MTMR12: variants seen among roughly 807,000 people sequenced by gnomAD.
The protein encoded by MTMR12 is myotubularin related protein 12, also known as myotubularin-related protein 12.
Under a neutral mutation model 96.7 loss-of-function variants are expected in MTMR12, and 33 were observed. The observed-to-expected ratio is 0.34, with a 90% confidence interval of 0.26 to 0.46. The LOEUF (loss-of-function observed/expected upper bound fraction) is 0.46, where lower values mean the gene tolerates loss of function less well. Among genes scored for constraint, MTMR12 ranks in the 20% least tolerant of loss-of-function variants. The pLI, the probability that MTMR12 is intolerant of heterozygous loss-of-function variation, is 1.00. For missense variants in MTMR12, 721 were observed against 896.1 expected (o/e 0.80, Z 2.49); for synonymous variants, 298 against 327.2 (o/e 0.91, Z 0.96).
intron 4 of MTMR12, among the ~76,000 whole-genome samples, chr5:32,271,421 T>A (rs528772456): frequency 1.3e-5 from 2 of 152,304 alleles, no homozygotes; most frequent in South Asian, 2.1e-4. Flanking sequence ...ATGCCCCGAA[T>A]ACAAAAACAT....
Position 32,233,497 on chromosome 5 carries a change from C to G in MTMR12, c.1674+276G>C, listed in dbSNP as rs910034503. Among the ~76,000 whole-genome samples the G allele has an allele frequency of 5.3e-5, 8 of 151,550 alleles. No homozygotes were observed. The highest frequency in any genetic ancestry group is 3.9e-4 in the East Asian group (2 of 5,148). On this transcript the variant is annotated intron_variant, in intron 15 of 15. Coordinates refer to ENST00000382142, the MANE Select transcript of MTMR12 (RefSeq NM_001040446.3). The surrounding 1 kb of genome is among the most constrained non-coding windows in gnomAD (Gnocchi z 5.0). Reference sequence around the variant, plus strand: ...AAACACACACACACACACACACACACAGGCAGGACAAGAGGCACGATTCCA... The same window carrying G: ...AAACACACACACACACACACACACAGAGGCAGGACAAGAGGCACGATTCCA...
chr5:32,250,446 T>G (rs1361645490), intron 8 of MTMR12, among the ~76,000 whole-genome samples: 1 of 152,240 alleles, frequency 6.6e-6, no homozygotes, highest in Non-Finnish European at 1.5e-5. Context: ...TGTTAGAACG[T>G]AAGATAATCA....
intron 1 of MTMR12, among the ~76,000 whole-genome samples, chr5:32,279,049 C>A (rs1750174857): frequency 7.9e-6 from 1 of 126,222 alleles, no homozygotes; most frequent in African/African-American, 3.0e-5. Flanking sequence ...GCACTCCGGC[C>A]TGGGCAACAA....
At chr5:32,303,847 CAAA>C (rs57459005) in intron 1 of MTMR12, among the ~76,000 whole-genome samples, 2,486 of 68,324 alleles carry the variant, frequency 0.036, 28 homozygotes, top group East Asian at 0.085. Context: ...TTTGCCATCT[CAAA>C]AAAAAAAAAA....
At chr5:32,292,637 C>T (rs558026970) in intron 1 of MTMR12, among the ~76,000 whole-genome samples, 3 of 152,260 alleles carry the variant, frequency 2.0e-5, no homozygotes, top group East Asian at 1.9e-4. Flanking sequence ...TCCATTAGGG[C>T]GTCTCTTAGT....
chr5:32,251,213 G>A (rs949709615), intron 8 of MTMR12, among the ~76,000 whole-genome samples: 16 of 151,820 alleles, frequency 1.1e-4, no homozygotes, highest in African/African-American at 1.5e-4. Flanking sequence ...CCGCCACTAC[G>A]CCCGGCTAAT....
rs542953106 is a variant in MTMR12, at chr5:32,261,967, G to A, written c.713+1146C>T. On this transcript the variant is annotated intron_variant, in intron 7 of 15. Coordinates refer to ENST00000382142, the MANE Select transcript of MTMR12 (RefSeq NM_001040446.3). The stretch of plus-strand genomic sequence containing the variant: ...GGTGCCTGTAGTCCAAGCTACTCAG[G>A]AGGCTGAGGCAGGAGAATGGCGTGA... Among the ~76,000 whole-genome samples, 3 of 152,306 alleles carry A rather than the reference G, an allele frequency of 2.0e-5. No individual in the cohort carries two copies. The South Asian group carries it at 6.2e-4, about 32-fold the overall frequency.
rs13155981 is a variant in MTMR12 at position 32,233,473 on chromosome 5, A to C, written c.1674+300T>G. 0.055 allele frequency among the ~76,000 whole-genome samples: 3,282 copies of C among 59,908 alleles called. 71 individuals are homozygous for C. The highest frequency in any genetic ancestry group is 0.091 in the African/African-American group (1,970 of 21,754). 39.3% of individuals were successfully genotyped at this position (59,908 alleles called of 152,430 possible). On this transcript the variant is annotated intron_variant, in intron 15 of 15. Transcript: ENST00000382142. The surrounding 1 kb of genome is among the most constrained non-coding windows in gnomAD (Gnocchi z 5.0). ...CTCTACTAACACACACACACACACAAACACACACACACACACACACACACA... is the reference window on the plus strand; with the variant it reads ...CTCTACTAACACACACACACACACACACACACACACACACACACACACACA...
intron 1 of MTMR12, among the ~76,000 whole-genome samples, chr5:32,285,827 C>T (rs1750521767): frequency 6.6e-6 from 1 of 152,176 alleles, no homozygotes; most frequent in African/African-American, 2.4e-5. Flanking sequence ...ACCCATATCA[C>T]ACAGCTGGTC....
chr5:32,301,839 C>T (rs1751156615), intron 1 of MTMR12, among the ~76,000 whole-genome samples: 1 of 151,974 alleles, frequency 6.6e-6, no homozygotes, highest in Admixed American at 6.6e-5. Context: ...GATTGTGCCA[C>T]AGCACTCCAG....
At chr5:32,263,373 T>C (rs185471953) in intron 6 of MTMR12, 131 bp from the exon 7 acceptor site, 5 of 1,074,394 alleles carry the variant, frequency 4.7e-6, no homozygotes, top group South Asian at 1.6e-5. Context: ...AATGAATTGA[T>C]TGCTTAATCC....
chr5:32,229,663 C>G lies in MTMR12; in HGVS notation c.*115G>C, dbSNP rs1392973884. 3.0e-6 allele frequency: 3 copies of G among 1,005,064 alleles called. No homozygotes were observed. Among genetic ancestry groups the G allele is most frequent in the African/African-American group, 3.3e-5 (2 of 60,314 alleles). 62.3% of individuals were successfully genotyped at this position (1,005,064 alleles called of 1,614,324 possible). ...CTTTTCCCGAAGGCCCAGGTTTATTCTAACGGAGTGCCGGGCTAAGGACCC... is the reference window on the plus strand; with the variant it reads ...CTTTTCCCGAAGGCCCAGGTTTATTGTAACGGAGTGCCGGGCTAAGGACCC... On this transcript the variant is annotated 3_prime_UTR_variant, in exon 16 of 16. Transcript: ENST00000382142.
At chr5:32,265,112 T>A (rs1038854882) in intron 6 of MTMR12, among the ~76,000 whole-genome samples, 2 of 152,176 alleles carry the variant, frequency 1.3e-5, no homozygotes, top group African/African-American at 2.4e-5. Context: ...CCAAAACACA[T>A]TTGTGAATTA....
At chr5:32,280,920 C>T (rs1032898675) in intron 1 of MTMR12, among the ~76,000 whole-genome samples, 1 of 151,652 alleles carries the variant, frequency 6.6e-6, no homozygotes, top group East Asian at 1.9e-4. Context: ...GCTTGATTTC[C>T]TTTCATGAGT....
At chr5:32,237,615 AT>A (rs1426878634) in intron 13 of MTMR12, among the ~76,000 whole-genome samples, 1 of 151,786 alleles carries the variant, frequency 6.6e-6, no homozygotes. Flanking sequence ...GGTTTAAGTG[AT>A]TCTCCTGCCT....
At chr5:32,274,211 A>T in intron 2 of MTMR12, 89 bp from the exon 3 acceptor site, 2 of 1,442,170 alleles carry the variant, frequency 1.4e-6, no homozygotes, top group Admixed American at 4.1e-5. Flanking sequence ...TATTTACATA[A>T]GGACAAACAT....
chr5:32,283,895 A>G (rs1393343856), intron 1 of MTMR12, among the ~76,000 whole-genome samples: 1 of 152,214 alleles, frequency 6.6e-6, no homozygotes, highest in East Asian at 1.9e-4. Context: ...CTGAGGCATG[A>G]GTCTCTAATT....
intron 13 of MTMR12, among the ~76,000 whole-genome samples, chr5:32,235,437 C>T (rs942128802): frequency 6.6e-5 from 10 of 152,196 alleles, no homozygotes; most frequent in African/African-American, 2.2e-4. Context: ...TAACTTAGAA[C>T]CCCAATTAAG....
intron 12 of MTMR12, among the ~76,000 whole-genome samples, chr5:32,240,255 T>G (rs1748413169): frequency 6.6e-6 from 1 of 151,894 alleles, no homozygotes; most frequent in Non-Finnish European, 1.5e-5. Flanking sequence ...AAAAATTAGC[T>G]GGGCATGGTG....
Sources: allele counts gnomAD v4.1 joint callset (sites outside exome capture counted in the v4.1 genomes callset), GRCh38; gene constraint gnomAD v4.1.1; non-coding constraint Gnocchi (gnomAD v3.1); transcripts MANE v1.5; gene names NCBI Gene and HGNC (gene_info 2026-07-23, HGNC 2026-07-21).